Variants in CADM2 observed in about 807,000 individuals in gnomAD.
CADM2 encodes the protein immunoglobulin superfamily member 4D.
CADM2 carries 12 observed loss-of-function variants against 49.8 expected under a neutral mutation model. That is an observed-to-expected ratio of 0.24 (90% CI 0.15 to 0.39). The LOEUF (loss-of-function observed/expected upper bound fraction) is 0.39. Among genes scored for constraint, CADM2 ranks in the 10% least tolerant of loss-of-function variants. The probability of loss-of-function intolerance (pLI) is 1.00; values close to 1 mark genes in which losing one functional copy is unlikely to be tolerated. For missense variants in CADM2, 378 were observed against 492.3 expected, an observed-to-expected ratio of 0.77 and a Z score of 2.20; for synonymous variants, 214 against 175.4, an observed-to-expected ratio of 1.22 and a Z score of -1.74.
At chr3:85,215,322 GCTGT>G (rs2041892960) in intron 1 of CADM2, among the ~76,000 whole-genome samples, 1 of 132,474 alleles carries the variant, frequency 7.5e-6, no homozygotes, top group South Asian at 2.3e-4. Flanking sequence ...TGGTTAAGCT[GCTGT>G]CTAAGTTGCA....
chr3:85,446,313 T>C (rs2037447567), intron 1 of CADM2, among the ~76,000 whole-genome samples: 1 of 152,114 alleles, frequency 6.6e-6, no homozygotes, highest in African/African-American at 2.4e-5. Flanking sequence ...GAGTTATATA[T>C]TCAGCAAAGT....
chr3:85,519,531 C>T (rs1460801790), intron 1 of CADM2, among the ~76,000 whole-genome samples: 1 of 152,018 alleles, frequency 6.6e-6, no homozygotes, highest in Non-Finnish European at 1.5e-5. Context: ...ACTTACCCAA[C>T]ATATTCATTG....
intron 1 of CADM2, among the ~76,000 whole-genome samples, chr3:85,414,269 G>A (rs113119484): frequency 1.2e-4 from 19 of 152,120 alleles, no homozygotes; most frequent in South Asian, 8.3e-4. Context: ...TAACAAAATC[G>A]TCTTTAACAA....
Position 85,738,489 on chromosome 3 carries a change from C to G in CADM2, c.88+11941C>G, listed in dbSNP as rs574743051. Among the ~76,000 whole-genome samples the G allele has an allele frequency of 4.5e-4, 69 of 152,292 alleles. 1 individual carries two copies. Among genetic ancestry groups the G allele is most frequent in the African/African-American group, 1.6e-3 (67 of 41,570 alleles). On this transcript the variant is annotated intron_variant, in intron 2 of 9. Coordinates refer to ENST00000383699, the MANE Select transcript of CADM2 (RefSeq NM_001167675.2). ...TGTTAACAAATGCTTTGGGATTTTT[C>G]ACACTCAAATGTTATTTAACACATC...
chr3:85,649,388 T>G (rs1448490615), intron 1 of CADM2, among the ~76,000 whole-genome samples: 1 of 152,164 alleles, frequency 6.6e-6, no homozygotes, highest in Non-Finnish European at 1.5e-5. Context: ...AGCCACAAAA[T>G]ATGGCTGAGA....
intron 3 of CADM2, among the ~76,000 whole-genome samples, chr3:85,830,160 C>T (rs2074121627): frequency 1.3e-5 from 2 of 152,014 alleles, no homozygotes; most frequent in South Asian, 4.1e-4. Context: ...AATTAATTTT[C>T]TTCACACGCT....
intron 1 of CADM2, among the ~76,000 whole-genome samples, chr3:85,533,236 T>C (rs999001072): frequency 3.3e-5 from 5 of 152,210 alleles, no homozygotes; most frequent in African/African-American, 9.7e-5. Flanking sequence ...CCTAGGCAAC[T>C]TGGTCTATGT....
intron 3 of CADM2, among the ~76,000 whole-genome samples, chr3:85,873,410 G>C (rs980549341): frequency 9.9e-5 from 15 of 152,194 alleles, no homozygotes; most frequent in African/African-American, 3.6e-4. Context: ...CTGAGCTGGT[G>C]GTCCCAGCAC....
chr3:85,192,531 G>A (rs2041232876), intron 1 of CADM2, among the ~76,000 whole-genome samples: 2 of 150,944 alleles, frequency 1.3e-5, no homozygotes, highest in South Asian at 2.1e-4. Context: ...GAAGTAGGAA[G>A]GAACCCCAAA....
rs1576466274 is a variant in CADM2 at position 85,389,133 on chromosome 3, G to A, written c.62-337389G>A. On this transcript the variant is annotated intron_variant, in intron 1 of 9. Coordinates refer to ENST00000383699, the MANE Select transcript of CADM2 (RefSeq NM_001167675.2). ...CTTCTCCTGGGCATATGTCACTTAT[G>A]TGCATTTCTATGGCGCCATAGAGTA... Among the ~76,000 whole-genome samples the A allele has an allele frequency of 2.6e-5, 4 of 152,180 alleles. No homozygotes were observed. In the South Asian group the frequency reaches 8.3e-4, roughly 32 times the overall value.
At chr3:85,234,231 T>A (rs1457050125) in intron 1 of CADM2, among the ~76,000 whole-genome samples, 2 of 152,102 alleles carry the variant, frequency 1.3e-5, no homozygotes, top group African/African-American at 4.8e-5. Flanking sequence ...CAGCTACCAT[T>A]TCAACTTATT....
chr3:85,226,582 T>C (rs779715433), intron 1 of CADM2, among the ~76,000 whole-genome samples: 24 of 151,992 alleles, frequency 1.6e-4, no homozygotes, highest in South Asian at 1.0e-3. Context: ...CCTGCGTTCA[T>C]TGATATTTTG....
intron 7 of CADM2, among the ~76,000 whole-genome samples, chr3:85,943,696 C>G (rs990645453): frequency 2.0e-5 from 3 of 151,822 alleles, no homozygotes; most frequent in Non-Finnish European, 4.4e-5. Context: ...GGTACCAAAA[C>G]AGAGATATAG....
intron 7 of CADM2, among the ~76,000 whole-genome samples, chr3:85,957,648 G>A (rs1215686334): frequency 4.0e-5 from 6 of 151,760 alleles, no homozygotes; most frequent in African/African-American, 1.2e-4. Flanking sequence ...AGTCCCACAA[G>A]ATTGCCTCCC....
intron 1 of CADM2, among the ~76,000 whole-genome samples, chr3:85,666,717 G>A (rs1423336417): frequency 1.3e-5 from 2 of 151,724 alleles, no homozygotes; most frequent in African/African-American, 2.4e-5. Context: ...CTTCGATATG[G>A]GACTGAACAA....
intron 1 of CADM2, among the ~76,000 whole-genome samples, chr3:85,576,416 G>C (rs2062634989): frequency 6.6e-6 from 1 of 152,098 alleles, no homozygotes; most frequent in African/African-American, 2.4e-5. Flanking sequence ...TATTCCTGCT[G>C]TGCATTTTAT....
In CADM2 at chr3:85,781,498, G is replaced by T. The variant is rs530679622; in HGVS notation, c.89-20549G>T. 4.6e-5 allele frequency among the ~76,000 whole-genome samples: 7 copies of T among 152,108 alleles called. No individual in the cohort carries two copies. The East Asian group carries it at 1.4e-3, about 29-fold the overall frequency. On this transcript the variant is annotated intron_variant, in intron 2 of 9. Transcript: ENST00000383699. ...CTATTTCAAATACTTTATTTTATTT[G>T]TTACCTAAAGTCTTCTGAAAGCCTT...
chr3:85,725,451 C>A (rs1182411920), intron 1 of CADM2, among the ~76,000 whole-genome samples: 1 of 151,846 alleles, frequency 6.6e-6, no homozygotes, highest in Non-Finnish European at 1.5e-5. Context: ...GCACATTTCC[C>A]AATTAGGAGA....
At chr3:85,504,641 G>A (rs866730129) in intron 1 of CADM2, among the ~76,000 whole-genome samples, 8 of 152,204 alleles carry the variant, frequency 5.3e-5, no homozygotes, top group Non-Finnish European at 8.8e-5. Flanking sequence ...GGGGCTGCAG[G>A]TGGAGCTGCC....
Sources: gnomAD v4.1 joint callset for allele counts (sites outside exome capture counted in the v4.1 genomes callset) on GRCh38, gnomAD v4.1.1 for gene constraint, MANE v1.5 for transcripts, NCBI Gene and HGNC (gene_info 2026-07-23, HGNC 2026-07-21) for gene names.